Variants in NEGR1 observed in about 807,000 individuals in gnomAD.
NEGR1 encodes neuronal growth regulator 1.
In NEGR1, 10 loss-of-function variants were observed where a neutral mutation model predicts 40.9. That is an observed-to-expected ratio of 0.24 (90% CI 0.15 to 0.42). The LOEUF is 0.42. NEGR1 is among the 10% of genes least tolerant of loss of function. NEGR1 has a pLI of 1.00. For missense variants in NEGR1, 352 were observed against 438.9 expected (o/e 0.80, Z 1.77); for synonymous variants, 185 against 166.8 (o/e 1.11, Z -0.84).
chr1:71,800,813 T>C (rs1225664039), intron 2 of NEGR1, among the ~76,000 whole-genome samples: 1 of 152,140 alleles, frequency 6.6e-6, no homozygotes, highest in East Asian at 1.9e-4. Context: ...AATTAGATCA[T>C]TCCCATAGCA....
At chr1:72,151,629 C>T (rs1254068309) in intron 1 of NEGR1, among the ~76,000 whole-genome samples, 5 of 151,462 alleles carry the variant, frequency 3.3e-5, no homozygotes, top group Non-Finnish European at 5.9e-5. Flanking sequence ...AAGTTTCAGT[C>T]AATGCAATAA....
At chr1:71,422,031 T>C (rs1262301797) in intron 6 of NEGR1, among the ~76,000 whole-genome samples, 1 of 152,096 alleles carries the variant, frequency 6.6e-6, no homozygotes, top group East Asian at 1.9e-4. Flanking sequence ...ATCTATACTA[T>C]TTAAACTATT....
At chr1:72,074,547 CCTACTT>C (rs1647634473) in intron 1 of NEGR1, among the ~76,000 whole-genome samples, 2 of 151,952 alleles carry the variant, frequency 1.3e-5, no homozygotes, top group African/African-American at 4.8e-5. Context: ...TTGCTATACT[CCTACTT>C]CTACGTCATT....
chr1:71,871,517 A>T (rs536648082), intron 2 of NEGR1, among the ~76,000 whole-genome samples: 1 of 152,268 alleles, frequency 6.6e-6, no homozygotes, highest in South Asian at 2.1e-4. Flanking sequence ...CTTAATGTTC[A>T]TTGCAAGCTC....
intron 6 of NEGR1, among the ~76,000 whole-genome samples, chr1:71,448,912 C>T (rs963415036): frequency 2.0e-5 from 3 of 152,246 alleles, no homozygotes; most frequent in Middle Eastern, 3.4e-3. Flanking sequence ...TTCTCATTTC[C>T]GCCTCTTTCA....
intron 6 of NEGR1, among the ~76,000 whole-genome samples, chr1:71,478,378 C>T (rs1383978689): frequency 6.6e-6 from 1 of 152,014 alleles, no homozygotes; most frequent in African/African-American, 2.4e-5. Context: ...AAGCAGTTCA[C>T]AGTCACAATA....
intron 4 of NEGR1, among the ~76,000 whole-genome samples, chr1:71,635,013 G>T (rs1651098406): frequency 6.6e-6 from 1 of 151,942 alleles, no homozygotes; most frequent in Non-Finnish European, 1.5e-5. Context: ...TTATAATTGA[G>T]GAACAATGAT....
intron 1 of NEGR1, among the ~76,000 whole-genome samples, chr1:72,200,385 G>A (rs1231221513): frequency 6.6e-6 from 1 of 151,896 alleles, no homozygotes; most frequent in Non-Finnish European, 1.5e-5. Flanking sequence ...ATGTTGCTGG[G>A]AGCCATTATC....
intron 2 of NEGR1, among the ~76,000 whole-genome samples, chr1:71,861,348 T>G (rs887235330): frequency 5.3e-5 from 8 of 152,060 alleles, no homozygotes; most frequent in Admixed American, 1.3e-4. Context: ...AGAGGTGGAC[T>G]GCACATCTCT....
At chr1:71,706,990 T>C (rs1653922861) in intron 3 of NEGR1, among the ~76,000 whole-genome samples, 1 of 152,016 alleles carries the variant, frequency 6.6e-6, no homozygotes, top group Admixed American at 6.6e-5. Flanking sequence ...CAGTGCTGTC[T>C]TGTTAGAGCA....
rs372589945 is a variant in NEGR1 at position 72,216,824 on chromosome 1, G to T, written c.176+65495C>A. Among the ~76,000 whole-genome samples, 17 of 151,462 alleles carry T rather than the reference G, an allele frequency of 1.1e-4. No homozygotes were observed. The East Asian group carries it at 2.9e-3, about 26-fold the overall frequency. On this transcript the variant is annotated intron_variant, in intron 1 of 6. Transcript: ENST00000357731. ...CATAATAAAAGTTAGTTATTATTAT[G>T]ATGATGATTATAGAATCTATCATAT...
Position 71,831,179 on chromosome 1 carries a change from G to A in NEGR1, c.410-54882C>T, listed in dbSNP as rs548719397. ...TGTCTTTTAGGACAGTGTCTTTTAG[G>A]ACAGCCAGTTGTTGCTGGGACAGAC... On this transcript the variant is annotated intron_variant, in intron 2 of 6. Coordinates refer to ENST00000357731, the MANE Select transcript of NEGR1 (RefSeq NM_173808.3). Among the ~76,000 whole-genome samples, 6 of 151,990 alleles carry A rather than the reference G, an allele frequency of 3.9e-5. No individual in the cohort carries two copies. In the South Asian group the frequency reaches 1.0e-3, roughly 26 times the overall value.
At chr1:72,276,220 T>C (rs891625450) in intron 1 of NEGR1, among the ~76,000 whole-genome samples, 3 of 152,130 alleles carry the variant, frequency 2.0e-5, no homozygotes, top group Non-Finnish European at 4.4e-5. Flanking sequence ...TCCACTGGTT[T>C]GAGAGACTAA....
At chr1:71,604,326 T>C (rs1650015531) in intron 5 of NEGR1, among the ~76,000 whole-genome samples, 1 of 152,102 alleles carries the variant, frequency 6.6e-6, no homozygotes, top group Admixed American at 6.5e-5. Context: ...AATTTTGACA[T>C]AAATAAATTG....
intron 6 of NEGR1, among the ~76,000 whole-genome samples, chr1:71,535,659 G>A (rs1647489343): frequency 6.6e-6 from 1 of 151,628 alleles, no homozygotes; most frequent in South Asian, 2.1e-4. Context: ...GTTGCACACA[G>A]GGCTAGATGA....
At chr1:71,502,369 G>C (rs1333608606) in intron 6 of NEGR1, among the ~76,000 whole-genome samples, 5 of 152,188 alleles carry the variant, frequency 3.3e-5, no homozygotes, top group Non-Finnish European at 7.3e-5. Context: ...GAAGGGACTT[G>C]CATGCTAGGA....
At chr1:71,714,943 A>C (rs1268242153) in intron 3 of NEGR1, among the ~76,000 whole-genome samples, 1 of 152,170 alleles carries the variant, frequency 6.6e-6, no homozygotes, top group African/African-American at 2.4e-5. Context: ...CTCTGTGTGA[A>C]AGCTCCAACC....
At chr1:72,006,645 A>G (rs1444335701) in intron 1 of NEGR1, among the ~76,000 whole-genome samples, 1 of 152,200 alleles carries the variant, frequency 6.6e-6, no homozygotes, top group Non-Finnish European at 1.5e-5. Flanking sequence ...TATTACAATT[A>G]CATTAAAATA....
chr1:71,898,264 AT>A (rs1661026788), intron 2 of NEGR1, among the ~76,000 whole-genome samples: 1 of 152,062 alleles, frequency 6.6e-6, no homozygotes, highest in South Asian at 2.1e-4. Flanking sequence ...TTATTAATAC[AT>A]TTTTATCATC....
Sources: gnomAD v4.1 joint callset for allele counts (sites outside exome capture counted in the v4.1 genomes callset) on GRCh38, gnomAD v4.1.1 for gene constraint, MANE v1.5 for transcripts, NCBI Gene and HGNC (gene_info 2026-07-23, HGNC 2026-07-21) for gene names.